Variants in MAP2K1 observed in about 807,000 individuals in gnomAD.
MAP2K1 encodes mitogen-activated protein kinase kinase 1, also known as dual specificity mitogen-activated protein kinase kinase 1.
Under a neutral mutation model 46.3 loss-of-function variants are expected in MAP2K1, and 16 were observed. That is an observed-to-expected ratio of 0.35 (90% CI 0.23 to 0.52). The LOEUF is 0.52. MAP2K1 is among the 20% of genes least tolerant of loss of function. The pLI, the probability that MAP2K1 is intolerant of heterozygous loss-of-function variation, is 0.94. For missense variants in MAP2K1, 263 were observed against 497.1 expected (o/e 0.53, Z 4.48); for synonymous variants, 183 against 185.6 (o/e 0.99, Z 0.11).
At chr15:66,397,189 A>G (rs989906371) in intron 1 of MAP2K1, among the ~76,000 whole-genome samples, 6 of 150,052 alleles carry the variant, frequency 4.0e-5, no homozygotes, top group Admixed American at 6.7e-5. Context: ...TATTTTTAGT[A>G]GAGACAAGGT....
rs994663631 is a variant in MAP2K1 at position 66,396,470 on chromosome 15, A to G, written c.80+9043A>G. The stretch of plus-strand genomic sequence containing the variant: ...TTTTTAGTAGAGACAGGATTTCACC[A>G]TGTTGGTCAGGCTGGTCTCGAACTC... On this transcript the variant is annotated intron_variant, in intron 1 of 10. Transcript: ENST00000307102. Among the ~76,000 whole-genome samples, 15 of 151,050 alleles carry G rather than the reference A, an allele frequency of 9.9e-5. 1 individual carries two copies. Among genetic ancestry groups the G allele is most frequent in the African/African-American group, 2.4e-5 (1 of 40,946 alleles).
chr15:66,427,139 T>G (rs1241695307), intron 1 of MAP2K1, among the ~76,000 whole-genome samples: 1 of 152,232 alleles, frequency 6.6e-6, no homozygotes, highest in Non-Finnish European at 1.5e-5. Context: ...AGTCAAAATG[T>G]GATAATAAGT....
At chr15:66,428,634 G>A (rs1052246584) in intron 1 of MAP2K1, among the ~76,000 whole-genome samples, 11 of 151,968 alleles carry the variant, frequency 7.2e-5, no homozygotes, top group African/African-American at 2.7e-4. Context: ...CATTTTCACA[G>A]AAACACCATG....
intron 3 of MAP2K1, among the ~76,000 whole-genome samples, chr15:66,438,928 C>T (rs1201904705): frequency 6.6e-6 from 1 of 152,198 alleles, no homozygotes; most frequent in Non-Finnish European, 1.5e-5. Flanking sequence ...ACCCAGAGGG[C>T]AGCTAGAATA....
chr15:66,416,109 G>A (rs1323830802), intron 1 of MAP2K1, among the ~76,000 whole-genome samples: 3 of 152,046 alleles, frequency 2.0e-5, no homozygotes, highest in African/African-American at 7.2e-5. Flanking sequence ...CCACTCTCAG[G>A]ATATTCTCAG....
chr15:66,463,347 G>T (rs967963191), intron 5 of MAP2K1, among the ~76,000 whole-genome samples: 3 of 152,206 alleles, frequency 2.0e-5, no homozygotes, highest in African/African-American at 4.8e-5. Flanking sequence ...GGCACTGAGG[G>T]GGTGTGAACC....
At chr15:66,429,019 A>T (rs2093467604) in intron 1 of MAP2K1, among the ~76,000 whole-genome samples, 1 of 151,476 alleles carries the variant, frequency 6.6e-6, no homozygotes, top group African/African-American at 2.4e-5. Context: ...GGCTTAAGTG[A>T]TCCTCCCGCC....
chr15:66,470,404 C>T (rs4328379), intron 5 of MAP2K1, among the ~76,000 whole-genome samples: 42,402 of 151,928 alleles, frequency 0.28, 6,541 homozygotes, highest in South Asian at 0.37. Context: ...TGCCCTCTAC[C>T]ATCCTAGAAG....
intron 5 of MAP2K1, chr15:66,445,002 C>G: frequency 2.3e-6 from 1 of 442,708 alleles, no homozygotes; most frequent in Non-Finnish European, 4.2e-6. Context: ...TCACTATTCA[C>G]TGGAACAGTG....
At chr15:66,487,329 C>G (rs752686122) in intron 8 of MAP2K1, 37 bp downstream of exon 8, 1 of 1,596,716 alleles carries the variant, frequency 6.3e-7, no homozygotes, top group Non-Finnish European at 8.6e-7. Flanking sequence ...TTGGAATTTA[C>G]TTGCTCATCT....
rs1893225489 is a variant in MAP2K1 at position 66,490,648 on chromosome 15, G to A, written c.*33G>A. 1 of 1,557,688 alleles carries A rather than the reference G, an allele frequency of 6.4e-7. No individual in the cohort carries two copies. The highest frequency in any genetic ancestry group is 8.9e-7 in the Non-Finnish European group (1 of 1,128,644). ...GGAAGCAACAAAGAGCGAGTCCCCTGCCCGGTGGTTTGCCATGTCGCTTTT... is the reference window on the plus strand; with the variant it reads ...GGAAGCAACAAAGAGCGAGTCCCCTACCCGGTGGTTTGCCATGTCGCTTTT... On this transcript the variant is annotated 3_prime_UTR_variant, in exon 11 of 11. Transcript: ENST00000307102.
chr15:66,490,485 C>A lies in MAP2K1; in HGVS notation c.1069-17C>A. 6.4e-7 allele frequency: 1 copy of A among 1,562,512 alleles called. No homozygotes were observed. Among genetic ancestry groups the A allele is most frequent in the South Asian group, 1.1e-5 (1 of 90,086 alleles). On this transcript the variant is annotated splice_polypyrimidine_tract_variant and intron_variant, in intron 10 of 10. Coordinates refer to ENST00000307102, the MANE Select transcript of MAP2K1 (RefSeq NM_002755.4). ...GTTTCTTTTTAACACCACGTCCTCT[C>A]GTTTCCTTACATGCAGGTTCATGCT...
At chr15:66,388,245 C>T (rs1052890272) in intron 1 of MAP2K1, among the ~76,000 whole-genome samples, 2 of 152,150 alleles carry the variant, frequency 1.3e-5, no homozygotes, top group African/African-American at 4.8e-5. Context: ...AATCATGAGT[C>T]TGTTTCCTGG....
intron 5 of MAP2K1, among the ~76,000 whole-genome samples, chr15:66,452,233 C>T (rs1365712704): frequency 8.1e-6 from 1 of 123,280 alleles, no homozygotes; most frequent in African/African-American, 3.0e-5. Flanking sequence ...CACATGTATA[C>T]ATATGTAACT....
In MAP2K1 at chr15:66,474,152, C is replaced by CA. The variant is rs1192332107; in HGVS notation, c.569-7599dup. 5.9e-5 allele frequency among the ~76,000 whole-genome samples: 9 copies of CA among 151,986 alleles called. No homozygotes were observed. In the East Asian group the frequency reaches 1.7e-3, roughly 29 times the overall value. The stretch of plus-strand genomic sequence containing the variant: ...GGGAGGGTAGAGAAGGAGAGCATTT[C>CA]AAAACTAATGAGGCTTGGAAGGGAA... On this transcript the variant is annotated intron_variant, in intron 5 of 10. Coordinates refer to ENST00000307102, the MANE Select transcript of MAP2K1 (RefSeq NM_002755.4).
At chr15:66,399,796 C>T (rs558791360) in intron 1 of MAP2K1, among the ~76,000 whole-genome samples, 1 of 152,154 alleles carries the variant, frequency 6.6e-6, no homozygotes, top group Non-Finnish European at 1.5e-5. Context: ...GGGGTTTCAC[C>T]TTGTTGGCCA....
chr15:66,399,066 C>G (rs1412320035), intron 1 of MAP2K1, among the ~76,000 whole-genome samples: 1 of 152,134 alleles, frequency 6.6e-6, no homozygotes, highest in African/African-American at 2.4e-5. Flanking sequence ...AGCCACCGTG[C>G]CTGGCTGTAT....
intron 1 of MAP2K1, among the ~76,000 whole-genome samples, chr15:66,392,147 C>A (rs2093357278): frequency 6.6e-6 from 1 of 151,074 alleles, no homozygotes; most frequent in South Asian, 2.1e-4. Context: ...GTCATTTTTG[C>A]TGCCATTTCT....
In MAP2K1 at chr15:66,491,207, G is replaced by A. The variant is rs147974693; in HGVS notation, c.*592G>A. On this transcript the variant is annotated 3_prime_UTR_variant, in exon 11 of 11. Coordinates refer to ENST00000307102, the MANE Select transcript of MAP2K1 (RefSeq NM_002755.4). ...GCCCTTCACTGCCATGATAGCTGGG[G>A]CTTCACCAGTCTGTCTACTGTGGTG... The A allele has an allele frequency of 1.9e-5, 5 of 258,890 alleles. No homozygotes were observed. The East Asian group carries it at 2.3e-4, about 12-fold the overall frequency. The allele number at this position is 258,890 out of a possible 1,614,324, so 16.0% of individuals were successfully genotyped here.
Sources: allele counts gnomAD v4.1 joint callset (sites outside exome capture counted in the v4.1 genomes callset), GRCh38; gene constraint gnomAD v4.1.1; transcripts MANE v1.5; gene names NCBI Gene and HGNC (gene_info 2026-07-23, HGNC 2026-07-21).